Variants in THSD4 observed in about 807,000 individuals in gnomAD.
THSD4 encodes the protein thrombospondin type 1 domain containing 4, also known as thrombospondin type-1 domain-containing protein 4.
THSD4 carries 69 observed loss-of-function variants against 119.0 expected under a neutral mutation model. The observed-to-expected ratio is 0.58, with a 90% CI of 0.48 to 0.71. The LOEUF (loss-of-function observed/expected upper bound fraction) is 0.71. Among genes scored for constraint, THSD4 ranks in the 30% least tolerant of loss-of-function variants. The pLI, the probability that THSD4 is intolerant of heterozygous loss-of-function variation, is 0.00. For missense variants in THSD4, 1,393 were observed against 1,391.1 expected (o/e 1.00, Z -0.02); for synonymous variants, 524 against 540.4 (o/e 0.97, Z 0.42).
intron 8 of THSD4, among the ~76,000 whole-genome samples, chr15:71,674,947 A>G (rs1006198329): frequency 3.3e-5 from 5 of 152,198 alleles, no homozygotes; most frequent in Non-Finnish European, 7.3e-5. Context: ...GAAGTTTTGT[A>G]GGCCACTTAT....
chr15:71,710,518 C>T (rs974186674), intron 8 of THSD4, among the ~76,000 whole-genome samples: 27 of 152,328 alleles, frequency 1.8e-4, no homozygotes, highest in South Asian at 1.4e-3. Flanking sequence ...ATGTGGTTGA[C>T]CCAGTGCCTC....
At chr15:71,550,260 G>C (rs1010349709) in intron 7 of THSD4, among the ~76,000 whole-genome samples, 4 of 152,236 alleles carry the variant, frequency 2.6e-5, no homozygotes, top group Non-Finnish European at 5.9e-5. Flanking sequence ...CGGGGAAGGG[G>C]AGGTGGGAAT....
chr15:71,738,036 C>A, intron 11 of THSD4, 29 bp downstream of exon 11: 1 of 1,609,070 alleles, frequency 6.2e-7, no homozygotes, highest in South Asian at 1.1e-5. Context: ...CGGGTGGATC[C>A]CTGCAGAACC....
At chr15:71,469,892 AC>A (rs2047549952) in intron 7 of THSD4, among the ~76,000 whole-genome samples, 2 of 152,226 alleles carry the variant, frequency 1.3e-5, no homozygotes, top group African/African-American at 4.8e-5. Context: ...TAGTGGGAGA[AC>A]AACATACAGT....
intron 7 of THSD4, among the ~76,000 whole-genome samples, chr15:71,656,355 G>C (rs1470199688): frequency 1.3e-5 from 2 of 152,094 alleles, no homozygotes; most frequent in African/African-American, 4.8e-5. Context: ...AACTTCTTAT[G>C]AGTCTTACAC....
intron 7 of THSD4, among the ~76,000 whole-genome samples, chr15:71,462,414 A>T (rs547947510): frequency 6.6e-6 from 1 of 152,150 alleles, no homozygotes; most frequent in African/African-American, 2.4e-5. Context: ...GCACCACCCA[A>T]AATGTTGGGA....
chr15:71,688,034 G>A (rs16956080), intron 8 of THSD4, among the ~76,000 whole-genome samples: 24,343 of 152,158 alleles, frequency 0.16, 2,209 homozygotes, highest in East Asian at 0.38. Context: ...CATGTGTTCA[G>A]ATGTATTCTA....
At chr15:71,136,162 T>TA (rs2040550481) in intron 1 of THSD4, among the ~76,000 whole-genome samples, 1 of 151,916 alleles carries the variant, frequency 6.6e-6, no homozygotes, top group South Asian at 2.1e-4. Context: ...TAGCATGACT[T>TA]ACGTCCCATC....
chr15:71,285,682 T>C (rs1345444880), intron 6 of THSD4, among the ~76,000 whole-genome samples: 12 of 151,982 alleles, frequency 7.9e-5, no homozygotes, highest in Admixed American at 6.6e-5. Flanking sequence ...GGTAAAACCC[T>C]GTCTCTACTA....
At chr15:71,572,782 T>G (rs1451735382) in intron 7 of THSD4, among the ~76,000 whole-genome samples, 3 of 152,080 alleles carry the variant, frequency 2.0e-5, no homozygotes, top group African/African-American at 7.3e-5. Flanking sequence ...TCAAGCTACT[T>G]CTCAAAGAAC....
At chr15:71,367,099 T>C (rs907681703) in intron 6 of THSD4, among the ~76,000 whole-genome samples, 7 of 152,348 alleles carry the variant, frequency 4.6e-5, no homozygotes, top group Admixed American at 4.6e-4. Context: ...CTTCAAAATG[T>C]AGCTTCCACT....
At chr15:71,353,625 T>C (rs1011883127) in intron 6 of THSD4, among the ~76,000 whole-genome samples, 9 of 152,252 alleles carry the variant, frequency 5.9e-5, no homozygotes, top group Non-Finnish European at 1.0e-4. Flanking sequence ...CACATTCCCA[T>C]GTGCAGCTTT....
intron 6 of THSD4, among the ~76,000 whole-genome samples, chr15:71,356,281 C>T (rs1047209893): frequency 4.6e-5 from 7 of 152,174 alleles, no homozygotes; most frequent in African/African-American, 1.2e-4. Flanking sequence ...TTCTGGGGCC[C>T]GAAGCCCTTC....
intron 8 of THSD4, among the ~76,000 whole-genome samples, chr15:71,661,506 C>T (rs1218983576): frequency 6.6e-6 from 1 of 151,880 alleles, no homozygotes; most frequent in Non-Finnish European, 1.5e-5. Context: ...AATGATTCTC[C>T]TGCCTCAGCC....
intron 7 of THSD4, among the ~76,000 whole-genome samples, chr15:71,524,095 C>T (rs2048480928): frequency 6.6e-6 from 1 of 152,186 alleles, no homozygotes; most frequent in Non-Finnish European, 1.5e-5. Flanking sequence ...CCACACACCT[C>T]TGAAAAATAC....
chr15:71,726,713 G>A (rs2052846368), intron 8 of THSD4, among the ~76,000 whole-genome samples: 2 of 152,074 alleles, frequency 1.3e-5, no homozygotes, highest in Non-Finnish European at 2.9e-5. Context: ...TGAGGCAGGC[G>A]GATCATCTGA....
chr15:71,384,014 T>C (rs943371873), intron 6 of THSD4, among the ~76,000 whole-genome samples: 2 of 152,098 alleles, frequency 1.3e-5, no homozygotes, highest in Non-Finnish European at 2.9e-5. Flanking sequence ...GGTGGTCTCT[T>C]TGCAACTTAG....
At chr15:71,489,762 A>C (rs2047884562) in intron 7 of THSD4, among the ~76,000 whole-genome samples, 1 of 152,208 alleles carries the variant, frequency 6.6e-6, no homozygotes, top group South Asian at 2.1e-4. Flanking sequence ...CACATGAAAG[A>C]CGGGAGAATG....
At chr15:71,630,709 C>A (rs951756671) in intron 7 of THSD4, among the ~76,000 whole-genome samples, 9 of 152,198 alleles carry the variant, frequency 5.9e-5, no homozygotes, top group African/African-American at 2.4e-5. Flanking sequence ...CCAGGAGGGT[C>A]TCTCCCAGCT....
Sources: allele counts gnomAD v4.1 joint callset (sites outside exome capture counted in the v4.1 genomes callset), GRCh38; gene constraint gnomAD v4.1.1; transcripts MANE v1.5; gene names NCBI Gene and HGNC (gene_info 2026-07-23, HGNC 2026-07-21).